HIVEP2: variants seen among roughly 807,000 people sequenced by gnomAD.
The protein encoded by HIVEP2 is HIVEP zinc finger 2, also known as transcription factor HIVEP2.
A neutral mutation model predicts 180.7 loss-of-function variants in HIVEP2; 14 were observed. The ratio of observed to expected loss-of-function variants is 0.08; its 90% CI spans 0.05 to 0.12. The LOEUF (loss-of-function observed/expected upper bound fraction) is 0.12. Ranked by LOEUF, HIVEP2 falls within the 10% of genes least tolerant of loss-of-function variation. HIVEP2 has a pLI of 1.00. For missense variants in HIVEP2, 2,579 were observed against 3,008.5 expected, an observed-to-expected ratio of 0.86 and a Z score of 3.34; for synonymous variants, 1,184 against 1,136.4, an observed-to-expected ratio of 1.04 and a Z score of -0.84.
intron 2 of HIVEP2, among the ~76,000 whole-genome samples, chr6:142,805,605 AC>A (rs1776529397): frequency 6.6e-6 from 1 of 151,654 alleles, no homozygotes; most frequent in African/African-American, 2.4e-5. Flanking sequence ...CAAGGCGAGG[AC>A]CTTATACAGA....
chr6:142,941,084 T>C (rs1436722786), intron 1 of HIVEP2, among the ~76,000 whole-genome samples: 1 of 152,196 alleles, frequency 6.6e-6, no homozygotes, highest in South Asian at 2.1e-4. Flanking sequence ...AATGGGAGTG[T>C]ATGTTAAGAT....
At chr6:142,864,935 CA>C (rs1374492648) in intron 1 of HIVEP2, among the ~76,000 whole-genome samples, 2 of 152,192 alleles carry the variant, frequency 1.3e-5, no homozygotes, top group African/African-American at 4.8e-5. Context: ...TCTCACATAA[CA>C]AAAGTTAACT....
intron 1 of HIVEP2, among the ~76,000 whole-genome samples, chr6:142,868,860 A>G (rs1202459856): frequency 8.5e-5 from 13 of 152,120 alleles, no homozygotes. Context: ...GAAAAATCTT[A>G]TTTTTCATAA....
chr6:142,811,813 G>A (rs899899756), intron 2 of HIVEP2, among the ~76,000 whole-genome samples: 7 of 152,172 alleles, frequency 4.6e-5, no homozygotes, highest in Non-Finnish European at 8.8e-5. Context: ...TCATATCAAT[G>A]AGTAAATAAA....
chr6:142,820,655 C>G (rs1777009826), intron 2 of HIVEP2, among the ~76,000 whole-genome samples: 2 of 152,096 alleles, frequency 1.3e-5, no homozygotes, highest in South Asian at 4.1e-4. Flanking sequence ...AAATCAAATG[C>G]CCTTTTTCTA....
At chr6:142,802,985 A>G (rs959642638) in intron 2 of HIVEP2, among the ~76,000 whole-genome samples, 1 of 152,078 alleles carries the variant, frequency 6.6e-6, no homozygotes, top group East Asian at 1.9e-4. Context: ...TGTATGAATT[A>G]AAAAAAAGAT....
intron 2 of HIVEP2, among the ~76,000 whole-genome samples, chr6:142,795,950 T>A (rs898754340): frequency 6.6e-6 from 1 of 152,120 alleles, no homozygotes; most frequent in Non-Finnish European, 1.5e-5. Flanking sequence ...GAGCTTGAGT[T>A]TCCTCATACA....
At position 142,759,758 on chromosome 6, in the gene HIVEP2, T is replaced by A; in HGVS notation, c.6516+14A>T. The A allele has an allele frequency of 6.4e-7, 1 of 1,571,032 alleles. No individual in the cohort carries two copies. Among genetic ancestry groups the A allele is most frequent in the Non-Finnish European group, 8.6e-7 (1 of 1,161,962 alleles). Reference sequence around the variant, plus strand: ...TCCACTTATGTATTAGAAAGAAAAGTGGATTATACTTACAGGAGGCCCCAA... The same window carrying A: ...TCCACTTATGTATTAGAAAGAAAAGAGGATTATACTTACAGGAGGCCCCAA... On this transcript the variant is annotated intron_variant, in intron 9 of 9. Coordinates refer to ENST00000367603, the MANE Select transcript of HIVEP2 (RefSeq NM_006734.4).
At chr6:142,754,292 CA>C (rs1354754914) in intron 9 of HIVEP2, among the ~76,000 whole-genome samples, 1 of 147,896 alleles carries the variant, frequency 6.8e-6, no homozygotes, top group Non-Finnish European at 1.5e-5. Context: ...GTTTACTGAG[CA>C]AAAAACACTA....
chr6:142,870,707 A>T (rs1290678435), intron 1 of HIVEP2, among the ~76,000 whole-genome samples: 2 of 152,132 alleles, frequency 1.3e-5, no homozygotes, highest in East Asian at 3.9e-4. Context: ...TATAATAATC[A>T]TCCCTGTTCT....
intron 2 of HIVEP2, among the ~76,000 whole-genome samples, chr6:142,836,289 T>C (rs1775220522): frequency 6.6e-6 from 1 of 152,144 alleles, no homozygotes; most frequent in African/African-American, 2.4e-5. Flanking sequence ...GAGCAGGCTT[T>C]ACTATACTGA....
rs574925211 is a variant in HIVEP2 at position 142,900,332 on chromosome 6, G to T, written c.-641+44767C>A. ...GTGAGAGAAGAAACTTGACGTCTGA[G>T]AGTTGAGTGAGGGGCTGAGAAACTG... On this transcript the variant is annotated intron_variant, in intron 1 of 9. Transcript: ENST00000367603. 3.3e-5 allele frequency among the ~76,000 whole-genome samples: 5 copies of T among 152,300 alleles called. No individual in the cohort carries two copies. In the East Asian group the frequency reaches 7.7e-4, roughly 24 times the overall value.
chr6:142,772,552 G>T lies in HIVEP2; in HGVS notation c.2187C>A (p.Asp729Glu). 1 of 1,614,182 alleles carries T rather than the reference G, an allele frequency of 6.2e-7. No homozygotes were observed. Among genetic ancestry groups the T allele is most frequent in the Non-Finnish European group, 8.5e-7 (1 of 1,180,036 alleles). The change falls in exon 5 of 10, where the codon GAC (aspartate) becomes GAA (glutamate). Residue 729 changes from aspartate (D) to glutamate (E), a missense_variant. Physicochemically the swap from Asp to Glu is conservative, Grantham distance 45. This residue lies in a region of HIVEP2 where 524 missense variants were observed against 563.6 expected (regional missense o/e 0.93). Transcript: ENST00000367603. The surrounding 1 kb of genome is among the most constrained non-coding windows in gnomAD (Gnocchi z 4.9). ...TPVGIMASDY[D>E]PKLQMQEGVR... The stretch of plus-strand genomic sequence containing the variant: ...CTCCTTCCTGCATCTGCAGTTTGGG[G>T]TCATAATCGGAAGCCATGATGCCCA...
Position 142,753,185 on chromosome 6 carries a change from G to A in HIVEP2, c.7263C>T (p.Asp2421=). The A allele has an allele frequency of 1.2e-6, 2 of 1,613,976 alleles. No individual in the cohort carries two copies. The highest frequency in any genetic ancestry group is 1.7e-6 in the Non-Finnish European group (2 of 1,179,806). Residue 2421 remains aspartate, a synonymous_variant, in exon 10 of 10, where the codon GAC becomes GAT. Coordinates refer to ENST00000367603, the MANE Select transcript of HIVEP2 (RefSeq NM_006734.4). ...AAGATAATTCCTTGCTGCTGTGAAA[G>A]TCCAACTGCTTGTCATCCACACAAC... ...SKSCVDDKQL[D]FHSSKELSSS... is the part of the protein sequence containing the mutation.
In HIVEP2 at chr6:142,772,269, C is replaced by T; in HGVS notation, c.2470G>A (p.Ala824Thr). The change falls in exon 5 of 10, where the codon GCT (alanine) becomes ACT (threonine). Residue 824 changes from alanine to threonine, a missense_variant. Physicochemically the swap from Ala to Thr is moderately conservative, Grantham distance 58. Coordinates refer to ENST00000367603, the MANE Select transcript of HIVEP2 (RefSeq NM_006734.4). The surrounding 1 kb of genome is among the most constrained non-coding windows in gnomAD (Gnocchi z 4.9). The stretch of plus-strand genomic sequence containing the variant: ...GAAGGGGCTTTATCCTGTGTGCAAG[C>T]CACAAGTTCGGCTGACTCAGACCTT... ...FERSESAELV[A>T]CTQDKAPSPS... is the part of the protein sequence containing the mutation. 6.2e-7 allele frequency: 1 copy of T among 1,614,218 alleles called. No individual in the cohort carries two copies. The highest frequency in any genetic ancestry group is 8.5e-7 in the Non-Finnish European group (1 of 1,180,040).
chr6:142,763,294 G>C (rs1240784310), intron 7 of HIVEP2, among the ~76,000 whole-genome samples: 1 of 152,186 alleles, frequency 6.6e-6, no homozygotes, highest in East Asian at 1.9e-4. Flanking sequence ...AAGTGGCACA[G>C]ACAAGGAGAA....
chr6:142,943,816 T>C lies in HIVEP2; in HGVS notation c.-641+1283A>G, dbSNP rs534767888. On this transcript the variant is annotated intron_variant, in intron 1 of 9. Transcript: ENST00000367603. The surrounding 1 kb of genome is among the most constrained non-coding windows in gnomAD (Gnocchi z 4.5). ...AATGTCAGTTGCACACACAACTTCC[T>C]GTGTGAATGCTAAGCCATTACAGGT... Among the ~76,000 whole-genome samples, 36 of 152,346 alleles carry C rather than the reference T, an allele frequency of 2.4e-4. 1 individual carries two copies. The highest frequency in any genetic ancestry group is 3.9e-4 in the Admixed American group (6 of 15,302).
intron 1 of HIVEP2, among the ~76,000 whole-genome samples, chr6:142,880,447 C>T (rs976733337): frequency 2.6e-5 from 4 of 152,150 alleles, no homozygotes; most frequent in Admixed American, 6.6e-5. Flanking sequence ...AAGCCTTTGC[C>T]ACCAGACACA....
At chr6:142,869,522 G>A (rs1386924806) in intron 1 of HIVEP2, among the ~76,000 whole-genome samples, 2 of 152,000 alleles carry the variant, frequency 1.3e-5, no homozygotes, top group Admixed American at 6.6e-5. Context: ...TTTAAAATTT[G>A]TTTTCAGTAT....
Sources: allele counts gnomAD v4.1 joint callset (sites outside exome capture counted in the v4.1 genomes callset), GRCh38; gene constraint gnomAD v4.1.1; regional missense constraint gnomAD v4.1.1; non-coding constraint Gnocchi (gnomAD v3.1); transcripts MANE v1.5; gene names NCBI Gene and HGNC (gene_info 2026-07-23, HGNC 2026-07-21).